The following AGPAT3 variants were observed in gnomAD, a reference collection of about 807,000 sequenced individuals.
AGPAT3 encodes 1-acylglycerol-3-phosphate O-acyltransferase 3.
Under a neutral mutation model 47.3 loss-of-function variants are expected in AGPAT3, and 5 were observed. The observed-to-expected ratio is 0.11, with a 90% confidence interval of 0.06 to 0.22. The LOEUF (loss-of-function observed/expected upper bound fraction) is 0.22, where lower values mean the gene tolerates loss of function less well. Among genes scored for constraint, AGPAT3 ranks in the 10% least tolerant of loss-of-function variants. The pLI, the probability that AGPAT3 is intolerant of heterozygous loss-of-function variation, is 1.00. For synonymous variants in AGPAT3, 212 were observed against 208.3 expected (o/e 1.02, Z -0.15); for missense variants, 315 against 493.0 (o/e 0.64, Z 3.42).
Position 43,933,902 on chromosome 21 carries a change from A to G in AGPAT3, c.-48-25732A>G, listed in dbSNP as rs1229549713. 6.6e-6 allele frequency among the ~76,000 whole-genome samples: 1 copy of G among 152,170 alleles called. No individual in the cohort carries two copies. Among genetic ancestry groups the G allele is most frequent in the African/African-American group, 2.4e-5 (1 of 41,454 alleles). ...CAGAGGGTTAGAACTGAGCAGCAGG[A>G]CGGGGTCTGTGGGTGCACGAGAGGA... On this transcript the variant is annotated intron_variant, in intron 2 of 9. Coordinates refer to ENST00000291572, the MANE Select transcript of AGPAT3 (RefSeq NM_020132.5). The surrounding 1 kb of genome is among the most constrained non-coding windows in gnomAD (Gnocchi z 6.0).
At chr21:43,879,507 G>T (rs1433984205) in intron 1 of AGPAT3, among the ~76,000 whole-genome samples, 1 of 152,088 alleles carries the variant, frequency 6.6e-6, no homozygotes, top group East Asian at 1.9e-4. Context: ...GAGGAGTCTG[G>T]TCTTTCTCGG....
At chr21:43,980,279 AAAAAAAAAAAAAC>A (rs1303806055) in intron 8 of AGPAT3, among the ~76,000 whole-genome samples, 1 of 147,940 alleles carries the variant, frequency 6.8e-6, no homozygotes, top group East Asian at 2.0e-4. Context: ...CCATCTCAAA[AAAAAAAAAAAAAC>A]AAAAAAAAAC....
At position 43,920,079 on chromosome 21, in the gene AGPAT3, G is replaced by A. The variant is rs748643622; in HGVS notation, c.-49+16060G>A. Among the ~76,000 whole-genome samples the A allele has an allele frequency of 2.0e-5, 3 of 152,212 alleles. No individual in the cohort carries two copies. Among genetic ancestry groups the A allele is most frequent in the Non-Finnish European group, 4.4e-5 (3 of 68,034 alleles). The stretch of plus-strand genomic sequence containing the variant: ...TCCTGGTTGTCACCTGAAGCTTGGA[G>A]AAGGGACAGGAGTGCACTGCAGGCG... On this transcript the variant is annotated intron_variant, in intron 2 of 9. Coordinates refer to ENST00000291572, the MANE Select transcript of AGPAT3 (RefSeq NM_020132.5). The surrounding 1 kb of genome is among the most constrained non-coding windows in gnomAD (Gnocchi z 6.1).
chr21:43,919,355 C>T (rs1329354146), intron 2 of AGPAT3, among the ~76,000 whole-genome samples: 3 of 152,122 alleles, frequency 2.0e-5, no homozygotes, highest in African/African-American at 4.8e-5. Flanking sequence ...TATGTTTTTG[C>T]GTTCTCATAG....
rs200808478 is a variant in AGPAT3 at position 43,967,979 on chromosome 21, C to T, written c.212C>T (p.Thr71Met). 6.2e-6 allele frequency: 10 copies of T among 1,613,870 alleles called. No individual in the cohort carries two copies. Among genetic ancestry groups the T allele is most frequent in the Admixed American group, 1.7e-5 (1 of 59,990 alleles). The change falls in exon 4 of 10, where the codon ACG becomes ATG. Residue 71 changes from threonine (T) to methionine (M), a missense_variant. Physicochemically the swap from Thr to Met is moderately conservative, Grantham distance 81. Coordinates refer to ENST00000291572, the MANE Select transcript of AGPAT3 (RefSeq NM_020132.5). ...ATGCTGCTGGAGTGGTGGTCCTGCA[C>T]GGAGTGTACACTGTTCACGGACCAG... ...LVMLLEWWSC[T>M]ECTLFTDQAT...
At chr21:43,900,432 G>A (rs2086323095) in intron 1 of AGPAT3, among the ~76,000 whole-genome samples, 1 of 152,208 alleles carries the variant, frequency 6.6e-6, no homozygotes, top group South Asian at 2.1e-4. Context: ...GGGGCATGAG[G>A]GAAGTGAGGC....
In AGPAT3 at chr21:43,952,835, C is replaced by T. The variant is rs1028803330; in HGVS notation, c.-48-6799C>T. On this transcript the variant is annotated intron_variant, in intron 2 of 9. Transcript: ENST00000291572. The surrounding 1 kb of genome is among the most constrained non-coding windows in gnomAD (Gnocchi z 5.6). ...ACCTCCCAGCCCCAGCCCCAGAAAT[C>T]AGATGGAGCCCCAGAGGTCCCACCC... 1.3e-4 allele frequency among the ~76,000 whole-genome samples: 20 copies of T among 152,082 alleles called. No individual in the cohort carries two copies. The highest frequency in any genetic ancestry group is 4.8e-4 in the African/African-American group (20 of 41,404).
intron 1 of AGPAT3, among the ~76,000 whole-genome samples, chr21:43,884,610 C>G (rs2085931098): frequency 6.6e-6 from 1 of 151,772 alleles, no homozygotes; most frequent in Non-Finnish European, 1.5e-5. Context: ...GTGCTGAATG[C>G]TGGGGTGCCC....
At chr21:43,875,641 T>C (rs2085717431) in intron 1 of AGPAT3, among the ~76,000 whole-genome samples, 1 of 152,258 alleles carries the variant, frequency 6.6e-6, no homozygotes, top group Non-Finnish European at 1.5e-5. Context: ...GGAGTCTTGC[T>C]CTGTTGCCCA....
intron 5 of AGPAT3, among the ~76,000 whole-genome samples, chr21:43,969,833 C>T (rs1215035464): frequency 6.6e-6 from 1 of 151,920 alleles, no homozygotes; most frequent in African/African-American, 2.4e-5. Context: ...AAGTAGCTGA[C>T]ATTACAGGTG....
At chr21:43,897,932 A>T (rs911421010) in intron 1 of AGPAT3, among the ~76,000 whole-genome samples, 1 of 152,218 alleles carries the variant, frequency 6.6e-6, no homozygotes, top group African/African-American at 2.4e-5. Flanking sequence ...CGAGGTCAGG[A>T]GCTGGAGACC....
At chr21:43,870,654 G>A (rs936648990) in intron 1 of AGPAT3, among the ~76,000 whole-genome samples, 14 of 152,118 alleles carry the variant, frequency 9.2e-5, no homozygotes, top group East Asian at 1.9e-4. Flanking sequence ...CCTGGGAGGC[G>A]GACCTTGCAG....
At chr21:43,912,465 G>A (rs754033867) in intron 2 of AGPAT3, among the ~76,000 whole-genome samples, 4 of 152,232 alleles carry the variant, frequency 2.6e-5, no homozygotes, top group Non-Finnish European at 4.4e-5. Flanking sequence ...TGGATTTTCC[G>A]TGCAGATGAT....
At chr21:43,958,436 G>C (rs1262795430) in intron 2 of AGPAT3, among the ~76,000 whole-genome samples, 1 of 152,046 alleles carries the variant, frequency 6.6e-6, no homozygotes, top group Non-Finnish European at 1.5e-5. Context: ...ACTGTGGTGT[G>C]TGTGGTTTGT....
rs1029095159 is a variant in AGPAT3, at chr21:43,987,280, A to G, written c.*4888A>G. 2.0e-5 allele frequency among the ~76,000 whole-genome samples: 3 copies of G among 152,212 alleles called. No individual in the cohort carries two copies. The highest frequency in any genetic ancestry group is 2.9e-5 in the Non-Finnish European group (2 of 68,028). ...CACGGGCTCTGTTTCCTTGGAGGCC[A>G]TCCTGCCGATGGCACTTTTCAAGGC... On this transcript the variant is annotated 3_prime_UTR_variant, in exon 10 of 10. Transcript: ENST00000291572.
At chr21:43,937,897 C>A (rs1055418854) in intron 2 of AGPAT3, among the ~76,000 whole-genome samples, 1 of 152,120 alleles carries the variant, frequency 6.6e-6, no homozygotes, top group Non-Finnish European at 1.5e-5. Flanking sequence ...CAGGCAGGTT[C>A]TTGTTAGAAG....
Position 43,939,364 on chromosome 21 carries a change from C to T in AGPAT3, c.-48-20270C>T, listed in dbSNP as rs927918018. Among the ~76,000 whole-genome samples, 1 of 152,148 alleles carries T rather than the reference C, an allele frequency of 6.6e-6. No individual in the cohort carries two copies. Among genetic ancestry groups the T allele is most frequent in the African/African-American group, 2.4e-5 (1 of 41,424 alleles). On this transcript the variant is annotated intron_variant, in intron 2 of 9. Transcript: ENST00000291572. The surrounding 1 kb of genome is among the most constrained non-coding windows in gnomAD (Gnocchi z 4.4). Reference sequence around the variant, plus strand: ...CCGCGCCCCAGGAGGTTTCCCAGGGCGATGCTCTGGTCCCTGGGTCCTTTG... The same window carrying T: ...CCGCGCCCCAGGAGGTTTCCCAGGGTGATGCTCTGGTCCCTGGGTCCTTTG...
intron 2 of AGPAT3, among the ~76,000 whole-genome samples, chr21:43,938,316 C>CTTTTTTTTTTTTTTTTTTTTTTTTTT (rs57776186): frequency 2.8e-5 from 2 of 70,538 alleles, no homozygotes; most frequent in Non-Finnish European, 2.6e-5. Context: ...ATCTGCAAAT[C>CTTTTTTTTTTTTTTTTTTTTTTTTTT]TTTTTTTTTT....
chr21:43,955,055 C>A lies in AGPAT3; in HGVS notation c.-48-4579C>A. The A allele has an allele frequency of 8.2e-7, 1 of 1,222,198 alleles. No individual in the cohort carries two copies. The highest frequency in any genetic ancestry group is 1.4e-5 in the South Asian group (1 of 73,232). 75.7% of individuals were successfully genotyped at this position (1,222,198 alleles called of 1,614,324 possible). The stretch of plus-strand genomic sequence containing the variant: ...ATGTGCATCACGGCTCTATCTGTGG[C>A]CCCCAAAGGCTGGGTGCCAGCTGCC... On this transcript the variant is annotated intron_variant, in intron 2 of 9. Transcript: ENST00000291572. The surrounding 1 kb of genome is among the most constrained non-coding windows in gnomAD (Gnocchi z 4.1).
Sources: gnomAD v4.1 joint callset for allele counts (sites outside exome capture counted in the v4.1 genomes callset) on GRCh38, gnomAD v4.1.1 for gene constraint, Gnocchi (gnomAD v3.1) non-coding constraint, MANE v1.5 for transcripts, NCBI Gene and HGNC (gene_info 2026-07-23, HGNC 2026-07-21) for gene names.